Variants in KCNJ4 observed in about 807,000 individuals in gnomAD.
KCNJ4 encodes the protein inward rectifier potassium channel 4.
A neutral mutation model predicts 25.6 loss-of-function variants in KCNJ4; 3 were observed. That is an observed-to-expected ratio of 0.12 (90% CI 0.05 to 0.30). The LOEUF (loss-of-function observed/expected upper bound fraction) is 0.30, where lower values mean the gene tolerates loss of function less well. KCNJ4 is among the 10% of genes least tolerant of loss of function. The pLI is 1.00. For missense variants in KCNJ4, 286 were observed against 666.8 expected, an observed-to-expected ratio of 0.43 and a Z score of 6.29; for synonymous variants, 257 against 283.9, an observed-to-expected ratio of 0.91 and a Z score of 0.95.
intron 1 of KCNJ4, among the ~76,000 whole-genome samples, chr22:38,429,098 A>G (rs896398323): frequency 6.6e-6 from 1 of 151,314 alleles, no homozygotes; most frequent in Non-Finnish European, 1.5e-5. Flanking sequence ...AAAAAAAAAA[A>G]AAAAAAAAGA....
At chr22:38,436,044 G>A (rs560365772) in intron 1 of KCNJ4, among the ~76,000 whole-genome samples, 3 of 152,246 alleles carry the variant, frequency 2.0e-5, no homozygotes, top group East Asian at 1.9e-4. Context: ...GGAACCCCCC[G>A]CCTGGTGCAG....
intron 1 of KCNJ4, among the ~76,000 whole-genome samples, chr22:38,436,958 C>A (rs975337162): frequency 6.6e-6 from 1 of 152,202 alleles, no homozygotes; most frequent in African/African-American, 2.4e-5. Context: ...TGGTACACAT[C>A]CAGTCCTACT....
Position 38,443,512 on chromosome 22 carries a change from G to A in KCNJ4, c.-40+11468C>T, listed in dbSNP as rs572237548. 1.8e-4 allele frequency among the ~76,000 whole-genome samples: 27 copies of A among 152,206 alleles called. No homozygotes were observed. The South Asian group carries it at 2.1e-3, about 12-fold the overall frequency. On this transcript the variant is annotated intron_variant, in intron 1 of 1. Coordinates refer to ENST00000303592, the MANE Select transcript of KCNJ4 (RefSeq NM_152868.3). This position sits in a 1 kb window ranked among gnomAD's most constrained non-coding sequence, Gnocchi z 4.1. ...AGTCTGTGACTCCTCCCAGGAGGTC[G>A]CTCAGGCCTGACACCTAGGCATCAT...
intron 1 of KCNJ4, among the ~76,000 whole-genome samples, chr22:38,437,800 G>C (rs1046477823): frequency 3.9e-5 from 6 of 152,154 alleles, no homozygotes; most frequent in Admixed American, 3.9e-4. Context: ...TTGTGGAAGT[G>C]GGGTGTAGAA....
Position 38,443,756 on chromosome 22 carries a change from C to T in KCNJ4, c.-40+11224G>A, listed in dbSNP as rs1052638071. Among the ~76,000 whole-genome samples the T allele has an allele frequency of 6.6e-6, 1 of 152,166 alleles. No individual in the cohort carries two copies. Among genetic ancestry groups the T allele is most frequent in the African/African-American group, 2.4e-5 (1 of 41,438 alleles). On this transcript the variant is annotated intron_variant, in intron 1 of 1. Coordinates refer to ENST00000303592, the MANE Select transcript of KCNJ4 (RefSeq NM_152868.3). This position sits in a 1 kb window ranked among gnomAD's most constrained non-coding sequence, Gnocchi z 4.1. ...TCATCCACCCCAAAGAGCCACATCA[C>T]TATTGCAGCCCACAGTCTCTGCCCA...
chr22:38,436,667 G>A (rs1022202640), intron 1 of KCNJ4, among the ~76,000 whole-genome samples: 2 of 152,128 alleles, frequency 1.3e-5, no homozygotes, highest in Non-Finnish European at 2.9e-5. Flanking sequence ...CTCTGACATC[G>A]CAAAAATTCA....
At chr22:38,448,463 G>A (rs1156823805) in intron 1 of KCNJ4, among the ~76,000 whole-genome samples, 4 of 152,124 alleles carry the variant, frequency 2.6e-5, no homozygotes, top group Non-Finnish European at 5.9e-5. Context: ...GCTGGGATTC[G>A]ATCCCAGGCC....
rs973830180 is a variant in KCNJ4 at position 38,449,552 on chromosome 22, G to A, written c.-40+5428C>T. Reference sequence around the variant, plus strand: ...CGCATGCGTGTGTGCCTGTGTCTGTGCCTGAGCATGCACGCGCAGGCTGAA... The same window carrying A: ...CGCATGCGTGTGTGCCTGTGTCTGTACCTGAGCATGCACGCGCAGGCTGAA... On this transcript the variant is annotated intron_variant, in intron 1 of 1. Coordinates refer to ENST00000303592, the MANE Select transcript of KCNJ4 (RefSeq NM_152868.3). The surrounding 1 kb of genome is among the most constrained non-coding windows in gnomAD (Gnocchi z 5.2). Among the ~76,000 whole-genome samples, 3 of 152,168 alleles carry A rather than the reference G, an allele frequency of 2.0e-5. No homozygotes were observed. Among genetic ancestry groups the A allele is most frequent in the African/African-American group, 7.2e-5 (3 of 41,438 alleles).
intron 1 of KCNJ4, among the ~76,000 whole-genome samples, chr22:38,448,041 G>A (rs2145947464): frequency 7.3e-6 from 1 of 137,028 alleles, no homozygotes; most frequent in African/African-American, 2.8e-5. Flanking sequence ...TCCAGCCTGA[G>A]AGACACAGTG....
chr22:38,428,939 C>T (rs574479556), intron 1 of KCNJ4, among the ~76,000 whole-genome samples: 33 of 151,972 alleles, frequency 2.2e-4, no homozygotes, highest in Non-Finnish European at 4.4e-4. Context: ...AGAAAATTAG[C>T]CAGGCATGGT....
chr22:38,447,936 C>T (rs9607540), intron 1 of KCNJ4, among the ~76,000 whole-genome samples: 13,295 of 151,722 alleles, frequency 0.088, 659 homozygotes, highest in East Asian at 0.18. Flanking sequence ...TGGTGGCACA[C>T]GCCTGTAGTC....
chr22:38,445,210 T>C (rs1158358854), intron 1 of KCNJ4, among the ~76,000 whole-genome samples: 1 of 151,868 alleles, frequency 6.6e-6, no homozygotes, highest in African/African-American at 2.4e-5. Flanking sequence ...ATCTAGGCCC[T>C]GGGGAGAGGT....
chr22:38,436,287 C>G (rs2093065199), intron 1 of KCNJ4, among the ~76,000 whole-genome samples: 1 of 152,178 alleles, frequency 6.6e-6, no homozygotes, highest in African/African-American at 2.4e-5. Flanking sequence ...TCTTGATTTC[C>G]TCCCCTCAAT....
chr22:38,452,085 G>A (rs2145950430), intron 1 of KCNJ4, among the ~76,000 whole-genome samples: 1 of 152,334 alleles, frequency 6.6e-6, no homozygotes, highest in South Asian at 2.1e-4. Context: ...GGAGATGGAG[G>A]CATGAGGCAT....
At position 38,433,557 on chromosome 22, in the gene KCNJ4, T is replaced by G. The variant is rs571868469; in HGVS notation, c.-39-5386A>C. On this transcript the variant is annotated intron_variant, in intron 1 of 1. Transcript: ENST00000303592. Reference sequence around the variant, plus strand: ...GTCTCAAACTCCTGGTCTCAAGCTATCCTCCTGCCTCGGTCTCCCAAAATG... The same window carrying G: ...GTCTCAAACTCCTGGTCTCAAGCTAGCCTCCTGCCTCGGTCTCCCAAAATG... 7.2e-5 allele frequency among the ~76,000 whole-genome samples: 11 copies of G among 152,306 alleles called. No individual in the cohort carries two copies. In the South Asian group the frequency reaches 2.1e-3, roughly 29 times the overall value.
chr22:38,438,147 G>A (rs1220851817), intron 1 of KCNJ4, among the ~76,000 whole-genome samples: 1 of 150,244 alleles, frequency 6.7e-6, no homozygotes, highest in Non-Finnish European at 1.5e-5. Context: ...GCTGAGGCAG[G>A]AGAATTGCTT....
chr22:38,434,389 T>C (rs554620491), intron 1 of KCNJ4, among the ~76,000 whole-genome samples: 5 of 152,320 alleles, frequency 3.3e-5, no homozygotes, highest in South Asian at 2.1e-4. Flanking sequence ...CTCTCTCTCA[T>C]TGAAGCATCA....
chr22:38,432,069 C>T (rs1242751960), intron 1 of KCNJ4, among the ~76,000 whole-genome samples: 2 of 151,636 alleles, frequency 1.3e-5, no homozygotes, highest in African/African-American at 4.9e-5. Context: ...GCCTGGCCAA[C>T]TTGGTGAAAG....
chr22:38,426,780 G>A lies in KCNJ4; in HGVS notation c.*15C>T. The stretch of plus-strand genomic sequence containing the variant: ...AGAGGCTCTTGTGGGCAGTGGTGAG[G>A]GCCGGGCCTGGAGGTCAGATGGCAG... On this transcript the variant is annotated 3_prime_UTR_variant, in exon 2 of 2. Coordinates refer to ENST00000303592, the MANE Select transcript of KCNJ4 (RefSeq NM_152868.3). 6.3e-7 allele frequency: 1 copy of A among 1,594,226 alleles called. No individual in the cohort carries two copies. Among genetic ancestry groups the A allele is most frequent in the Non-Finnish European group, 8.6e-7 (1 of 1,168,250 alleles).
Sources: allele counts gnomAD v4.1 joint callset (sites outside exome capture counted in the v4.1 genomes callset), GRCh38; gene constraint gnomAD v4.1.1; non-coding constraint Gnocchi (gnomAD v3.1); transcripts MANE v1.5; gene names NCBI Gene and HGNC (gene_info 2026-07-23, HGNC 2026-07-21).